The following B3GLCT variants were observed in gnomAD, a reference collection of about 807,000 sequenced individuals.
The protein encoded by B3GLCT is beta-1,3-glucosyltransferase.
In B3GLCT, 65 loss-of-function variants were observed where a neutral mutation model predicts 63.4. The ratio of observed to expected loss-of-function variants is 1.03; its 90% CI spans 0.84 to 1.26. The LOEUF (loss-of-function observed/expected upper bound fraction) is 1.26. Among genes scored for constraint, B3GLCT ranks in the 50% most tolerant of loss-of-function variants. B3GLCT has a pLI of 0.00. For missense variants in B3GLCT, 577 were observed against 604.8 expected (o/e 0.95, Z 0.48); for synonymous variants, 233 against 219.2 (o/e 1.06, Z -0.55).
In B3GLCT at chr13:31,274,580, C is replaced by G; in HGVS notation, c.732C>G (p.Asp244Glu). 1 of 1,614,178 alleles carries G rather than the reference C, an allele frequency of 6.2e-7. No homozygotes were observed. The highest frequency in any genetic ancestry group is 8.5e-7 in the Non-Finnish European group (1 of 1,180,014). The change falls in exon 9 of 15, where the codon GAC (aspartate) becomes GAG (glutamate). Residue 244 changes from aspartate to glutamate, a missense_variant. Transcript: ENST00000343307. The part of the protein sequence containing the change: ...LTPVPEFCTN[D>E]VDFYCATTFH... ...CAGTGCCTGAGTTTTGTACCAATGACGTGGACTTCTACTGTGCTACCACAT... is the reference window on the plus strand; with the variant it reads ...CAGTGCCTGAGTTTTGTACCAATGAGGTGGACTTCTACTGTGCTACCACAT...
intron 4 of B3GLCT, among the ~76,000 whole-genome samples, chr13:31,245,063 T>C (rs1223878632): frequency 6.6e-6 from 1 of 152,162 alleles, no homozygotes; most frequent in Non-Finnish European, 1.5e-5. Flanking sequence ...ACTAAACAAA[T>C]ATAATGGAGC....
At chr13:31,308,347 TA>T (rs1169835730) in intron 12 of B3GLCT, among the ~76,000 whole-genome samples, 25 of 23,682 alleles carry the variant, frequency 1.1e-3, no homozygotes, top group African/African-American at 2.0e-3. Flanking sequence ...AAAAAAAAAT[TA>T]AAAAAAAAAA....
At chr13:31,217,449 A>G (rs1216326676) in intron 2 of B3GLCT, among the ~76,000 whole-genome samples, 6 of 152,200 alleles carry the variant, frequency 3.9e-5, no homozygotes, top group African/African-American at 7.2e-5. Context: ...CTTTCATTTA[A>G]TTAGGCCCAC....
rs1216614147 is a variant in B3GLCT at position 31,331,983 on chromosome 13, A to G, written c.*2315A>G. 6.6e-6 allele frequency: 1 copy of G among 152,130 alleles called. No individual in the cohort carries two copies. Among genetic ancestry groups the G allele is most frequent in the Admixed American group, 6.5e-5 (1 of 15,282 alleles). The allele number at this position is 152,130 out of a possible 1,614,324, so 9.4% of individuals were successfully genotyped here. ...TATAGCCAAAGCAGGTTGTCTGACT[A>G]TGTAGGATTTTTACATCTTGAAACT... On this transcript the variant is annotated 3_prime_UTR_variant, in exon 15 of 15. Transcript: ENST00000343307.
At chr13:31,295,883 C>G (rs1375208327) in intron 12 of B3GLCT, among the ~76,000 whole-genome samples, 2 of 152,210 alleles carry the variant, frequency 1.3e-5, no homozygotes, top group African/African-American at 4.8e-5. Flanking sequence ...CTGCAGCTAT[C>G]TCAATGTCTG....
At chr13:31,213,620 C>CA (rs1869397122) in intron 1 of B3GLCT, among the ~76,000 whole-genome samples, 1 of 60,864 alleles carries the variant, frequency 1.6e-5, no homozygotes, top group African/African-American at 5.9e-5. Context: ...CCCCCCACCC[C>CA]ACCCCCCCCC....
Position 31,261,080 on chromosome 13 carries a change from C to G in B3GLCT, c.594C>G (p.Asn198Lys). 1 of 1,555,424 alleles carries G rather than the reference C, an allele frequency of 6.4e-7. No homozygotes were observed. The highest frequency in any genetic ancestry group is 1.2e-5 in the South Asian group (1 of 85,374). The change falls in exon 7 of 15, where the codon AAC becomes AAG. Residue 198 changes from asparagine to lysine, a missense_variant and splice_region_variant. Transcript: ENST00000343307. ...GGGCCTTAAGTATTCCACTTGTAAA[C>G]AAGTAAGAATTTATTGGAATTTTTT... is the stretch of plus-strand genomic sequence containing the variant. ...AGWALSIPLV[N>K]KLTKRLKSES...
At chr13:31,267,507 T>C (rs1229603007) in intron 7 of B3GLCT, among the ~76,000 whole-genome samples, 1 of 152,254 alleles carries the variant, frequency 6.6e-6, no homozygotes, top group African/African-American at 2.4e-5. Flanking sequence ...AGACATTTTT[T>C]CTCTTAAGTA....
intron 6 of B3GLCT, among the ~76,000 whole-genome samples, chr13:31,259,552 C>T (rs1225895826): frequency 6.6e-6 from 1 of 151,472 alleles, no homozygotes. Flanking sequence ...TTTTTTCCCC[C>T]CTTGGTTTTT....
chr13:31,322,468 A>G (rs1433199959), intron 13 of B3GLCT, among the ~76,000 whole-genome samples: 1 of 152,244 alleles, frequency 6.6e-6, no homozygotes, highest in Non-Finnish European at 1.5e-5. Flanking sequence ...TTAATGTTTA[A>G]TAGTTGGTGG....
intron 6 of B3GLCT, among the ~76,000 whole-genome samples, chr13:31,254,336 T>C (rs1322966010): frequency 1.3e-5 from 2 of 152,214 alleles, no homozygotes; most frequent in Non-Finnish European, 2.9e-5. Context: ...CACGATCAAG[T>C]TGGCTTCATC....
intron 4 of B3GLCT, among the ~76,000 whole-genome samples, chr13:31,243,414 A>G (rs771888359): frequency 9.2e-5 from 14 of 152,206 alleles, no homozygotes; most frequent in Non-Finnish European, 1.9e-4. Context: ...GTTCAAAACC[A>G]AATCTGCTGA....
In B3GLCT at chr13:31,224,507, G is replaced by C. The variant is rs189153849; in HGVS notation, c.160+1516G>C. On this transcript the variant is annotated intron_variant, in intron 3 of 14. Transcript: ENST00000343307. ...GACTTCTTTGTCACAATCTTTGTGT[G>C]AGCCTGCAAGACCAGGAGGCTACTA... is the stretch of plus-strand genomic sequence containing the variant. Among the ~76,000 whole-genome samples the C allele has an allele frequency of 9.7e-4, 148 of 152,218 alleles. 1 individual carries two copies. Among genetic ancestry groups the C allele is most frequent in the Non-Finnish European group, 1.1e-3 (72 of 68,008 alleles).
intron 8 of B3GLCT, 98 bp downstream of exon 8, chr13:31,269,375 C>T: frequency 1.2e-6 from 1 of 825,262 alleles, no homozygotes. Context: ...GCATTTTCCC[C>T]ACCCACATCT....
intron 2 of B3GLCT, 143 bp downstream of exon 2, chr13:31,215,243 A>G (rs1289696734): frequency 5.8e-6 from 5 of 861,052 alleles, no homozygotes; most frequent in Non-Finnish European, 7.4e-6. Flanking sequence ...TGGATTTTGA[A>G]TCCCTAATGC....
At chr13:31,264,447 C>T (rs1872194520) in intron 7 of B3GLCT, among the ~76,000 whole-genome samples, 1 of 152,120 alleles carries the variant, frequency 6.6e-6, no homozygotes, top group Non-Finnish European at 1.5e-5. Flanking sequence ...TATCCATGGT[C>T]TTCTCCCTAC....
At chr13:31,236,293 T>G (rs1870644292) in intron 4 of B3GLCT, among the ~76,000 whole-genome samples, 1 of 152,252 alleles carries the variant, frequency 6.6e-6, no homozygotes, top group South Asian at 2.1e-4. Flanking sequence ...TTTTAGTGCT[T>G]TATTCTATGC....
At chr13:31,317,537 C>G (rs372100398) in intron 12 of B3GLCT, 29 bp from the exon 13 acceptor site, 2 of 1,613,130 alleles carry the variant, frequency 1.2e-6, no homozygotes, top group African/African-American at 2.7e-5. Context: ...ATCAAATAAT[C>G]ATGATTTGTG....
intron 12 of B3GLCT, among the ~76,000 whole-genome samples, chr13:31,294,178 C>T (rs563190372): frequency 3.9e-5 from 6 of 152,268 alleles, no homozygotes; most frequent in East Asian, 3.9e-4. Context: ...CTGGGAGATC[C>T]GCTGTTTGTC....
Sources: allele counts gnomAD v4.1 joint callset (sites outside exome capture counted in the v4.1 genomes callset), GRCh38; gene constraint gnomAD v4.1.1; transcripts MANE v1.5; gene names NCBI Gene and HGNC (gene_info 2026-07-23, HGNC 2026-07-21).